SLC8A1: variants seen among roughly 807,000 people sequenced by gnomAD.
SLC8A1 encodes the protein solute carrier family 8 member A1.
Under a neutral mutation model 68.3 loss-of-function variants are expected in SLC8A1, and 18 were observed. The observed-to-expected ratio is 0.26, with a 90% CI of 0.18 to 0.39. The LOEUF is 0.39. SLC8A1 is among the 10% of genes least tolerant of loss of function. The pLI is 1.00. For synonymous variants in SLC8A1, 475 were observed against 415.5 expected, an observed-to-expected ratio of 1.14 and a Z score of -1.74; for missense variants, 985 against 1,156.7, an observed-to-expected ratio of 0.85 and a Z score of 2.15.
intron 2 of SLC8A1, among the ~76,000 whole-genome samples, chr2:40,255,977 G>C (rs1028488703): frequency 4.1e-4 from 63 of 152,274 alleles, no homozygotes; most frequent in African/African-American, 1.4e-3. Flanking sequence ...TGGTACAGAG[G>C]TGTCAGTCTG....
intron 4 of SLC8A1, 116 bp downstream of exon 7, chr2:40,170,165 G>A (rs2047215499): frequency 4.5e-6 from 4 of 886,150 alleles, no homozygotes; most frequent in Non-Finnish European, 7.2e-6. Flanking sequence ...AGAAGCTGCA[G>A]CATTATTTAG....
chr2:40,342,039 T>C (rs79295027), intron 2 of SLC8A1, among the ~76,000 whole-genome samples: 5,249 of 152,206 alleles, frequency 0.034, 298 homozygotes, highest in African/African-American at 0.12. Context: ...GGTTATTTAG[T>C]TACTTAGAGA....
chr2:40,345,409 G>C (rs1319461787), intron 2 of SLC8A1, among the ~76,000 whole-genome samples: 3 of 152,042 alleles, frequency 2.0e-5, no homozygotes, highest in Admixed American at 6.6e-5. Context: ...CCACATGTAG[G>C]GAAGCAGTCA....
At chr2:40,227,874 T>C (rs762548443) in intron 2 of SLC8A1, among the ~76,000 whole-genome samples, 1 of 152,050 alleles carries the variant, frequency 6.6e-6, no homozygotes, top group African/African-American at 2.4e-5. Flanking sequence ...TGTTCCTGTA[T>C]CTTAGGAGAA....
At chr2:40,237,024 G>C (rs1188872840) in intron 2 of SLC8A1, among the ~76,000 whole-genome samples, 1 of 105,544 alleles carries the variant, frequency 9.5e-6, no homozygotes, top group Non-Finnish European at 2.1e-5. Flanking sequence ...CTCTCTGGTT[G>C]CCCTTAACAT....
At chr2:40,265,517 TA>T (rs1229649875) in intron 2 of SLC8A1, among the ~76,000 whole-genome samples, 3 of 152,130 alleles carry the variant, frequency 2.0e-5, no homozygotes, top group African/African-American at 7.2e-5. Context: ...GGTGGGCAGA[TA>T]ATAAAACTGA....
intron 2 of SLC8A1, among the ~76,000 whole-genome samples, chr2:40,192,419 A>G (rs1304157512): frequency 3.3e-5 from 5 of 152,124 alleles, no homozygotes; most frequent in Non-Finnish European, 7.4e-5. Context: ...AGCAGATACA[A>G]TTGACTGCTA....
intron 2 of SLC8A1, among the ~76,000 whole-genome samples, chr2:40,179,071 C>G (rs1190550417): frequency 6.6e-6 from 1 of 151,970 alleles, no homozygotes; most frequent in Non-Finnish European, 1.5e-5. Context: ...TTCACCCCAC[C>G]CAATGTCTTA....
At chr2:40,438,335 T>C (rs141191580) in intron 1 of SLC8A1, among the ~76,000 whole-genome samples, 69 of 152,272 alleles carry the variant, frequency 4.5e-4, no homozygotes, top group African/African-American at 1.6e-3. Flanking sequence ...ATTTTCTACC[T>C]AAAAATATTT....
At chr2:40,136,115 T>G (rs528021290) in intron 7 of SLC8A1, among the ~76,000 whole-genome samples, 2 of 152,308 alleles carry the variant, frequency 1.3e-5, no homozygotes, top group African/African-American at 4.8e-5. Flanking sequence ...GTCTTGGGCT[T>G]ACTCCAACAT....
chr2:40,470,054 CA>C (rs1703915336), intron 1 of SLC8A1, among the ~76,000 whole-genome samples: 1 of 151,156 alleles, frequency 6.6e-6, no homozygotes. Flanking sequence ...AGTTCAGTTT[CA>C]ACATTGTTTT....
At chr2:40,152,583 T>G (rs553337686) in intron 6 of SLC8A1, among the ~76,000 whole-genome samples, 2 of 151,818 alleles carry the variant, frequency 1.3e-5, no homozygotes, top group South Asian at 4.2e-4. Flanking sequence ...TTTTTTTTTT[T>G]TTTTGTATTT....
intron 2 of SLC8A1, among the ~76,000 whole-genome samples, chr2:40,353,253 T>C (rs1304593415): frequency 3.3e-5 from 5 of 152,156 alleles, no homozygotes; most frequent in Non-Finnish European, 7.4e-5. Flanking sequence ...GTCATAACCA[T>C]GTCTCTGAGC....
intron 1 of SLC8A1, among the ~76,000 whole-genome samples, chr2:40,478,318 C>T (rs1232969055): frequency 1.3e-5 from 2 of 152,160 alleles, no homozygotes; most frequent in Non-Finnish European, 2.9e-5. Context: ...GGTGAGACAA[C>T]TGTTATTTGA....
In SLC8A1 at chr2:40,353,798, G is replaced by A. The variant is rs572173890; in HGVS notation, c.1808+74675C>T. Among the ~76,000 whole-genome samples the A allele has an allele frequency of 7.0e-4, 107 of 152,256 alleles. 2 individuals are homozygous for A. The highest frequency in any genetic ancestry group is 2.5e-3 in the African/African-American group (105 of 41,548). On this transcript the variant is annotated intron_variant, in intron 2 of 7. Transcript: ENST00000406785. ...AATCCATCCACAATGGCAGCGAAGCGCTCTACCATCCTTCTACCTGCACAC... is the reference window on the plus strand; with the variant it reads ...AATCCATCCACAATGGCAGCGAAGCACTCTACCATCCTTCTACCTGCACAC...
Position 40,449,952 on chromosome 2 carries a change from G to A in SLC8A1, c.-25+1952C>T, listed in dbSNP as rs534416847. Among the ~76,000 whole-genome samples, 8 of 152,232 alleles carry A rather than the reference G, an allele frequency of 5.3e-5. No individual in the cohort carries two copies. In the South Asian group the frequency reaches 1.7e-3, roughly 32 times the overall value. On this transcript the variant is annotated intron_variant, in intron 1 of 7. Transcript: ENST00000406785. ...AAAATCAGGGCTTCTTTTATAGCAG[G>A]TGTGAGAAATCTTAGCTAAAGAGCC...
At chr2:40,490,923 G>A (rs1705272931) in intron 1 of SLC8A1, among the ~76,000 whole-genome samples, 1 of 151,982 alleles carries the variant, frequency 6.6e-6, no homozygotes. Flanking sequence ...GAATAATGAA[G>A]AATTGACAAG....
chr2:40,353,602 G>C (rs781528822), intron 2 of SLC8A1, among the ~76,000 whole-genome samples: 4 of 152,072 alleles, frequency 2.6e-5, no homozygotes, highest in African/African-American at 7.2e-5. Context: ...TGTCGACTGT[G>C]GTAAATTTTA....
intron 2 of SLC8A1, among the ~76,000 whole-genome samples, chr2:40,237,419 C>T (rs1317385416): frequency 6.6e-6 from 1 of 152,178 alleles, no homozygotes; most frequent in Non-Finnish European, 1.5e-5. Flanking sequence ...CTTCTGCATT[C>T]TTCACGTAGT....
Sources: gnomAD v4.1 joint callset for allele counts (sites outside exome capture counted in the v4.1 genomes callset) on GRCh38, gnomAD v4.1.1 for gene constraint, MANE v1.5 for transcripts, NCBI Gene and HGNC (gene_info 2026-07-23, HGNC 2026-07-21) for gene names.